Variants in SERP2 observed in about 807,000 individuals in gnomAD.
SERP2 encodes stress associated endoplasmic reticulum protein family member 2.
Under a neutral mutation model 9.1 loss-of-function variants are expected in SERP2, and 6 were observed. That is an observed-to-expected ratio of 0.66 (90% confidence interval 0.36 to 1.30). The LOEUF is 1.30. SERP2 is among the 50% of genes most tolerant of loss of function. The pLI is 0.03. For synonymous variants in SERP2, 37 were observed against 27.3 expected, an observed-to-expected ratio of 1.35 and a Z score of -1.10; for missense variants, 58 against 81.9, an observed-to-expected ratio of 0.71 and a Z score of 1.13.
intron 2 of SERP2, among the ~76,000 whole-genome samples, chr13:44,382,175 A>T (rs891386699): frequency 5.9e-5 from 9 of 152,000 alleles, no homozygotes; most frequent in Admixed American, 4.6e-4. Context: ...GCGGTGGCTC[A>T]CGCCTGTAAT....
chr13:44,393,918 T>TA (rs937317152), intron 2 of SERP2, among the ~76,000 whole-genome samples: 9 of 152,156 alleles, frequency 5.9e-5, no homozygotes, highest in Non-Finnish European at 1.2e-4. Flanking sequence ...ATGGTGAACT[T>TA]AAAAAAATAG....
At chr13:44,380,587 C>T (rs1465176871) in intron 2 of SERP2, among the ~76,000 whole-genome samples, 1 of 152,116 alleles carries the variant, frequency 6.6e-6, no homozygotes, top group East Asian at 1.9e-4. Flanking sequence ...CTTTTATCTT[C>T]AAGAGACCAC....
At chr13:44,391,897 A>G (rs1208306214) in intron 2 of SERP2, among the ~76,000 whole-genome samples, 1 of 152,056 alleles carries the variant, frequency 6.6e-6, no homozygotes, top group Non-Finnish European at 1.5e-5. Context: ...TATTTCAGAC[A>G]GAAAGAATGG....
At chr13:44,389,479 A>G (rs1385329084) in intron 2 of SERP2, among the ~76,000 whole-genome samples, 2 of 152,108 alleles carry the variant, frequency 1.3e-5, no homozygotes, top group Admixed American at 6.5e-5. Flanking sequence ...CTGTTCTTGT[A>G]ATTATGTTTA....
At chr13:44,384,465 G>A (rs529361997) in intron 2 of SERP2, among the ~76,000 whole-genome samples, 1 of 152,116 alleles carries the variant, frequency 6.6e-6, no homozygotes, top group Non-Finnish European at 1.5e-5. Flanking sequence ...TCGGTGGTCT[G>A]TCTCACCTCT....
chr13:44,384,045 C>CT (rs943984840), intron 2 of SERP2, among the ~76,000 whole-genome samples: 13 of 149,614 alleles, frequency 8.7e-5, no homozygotes, highest in South Asian at 2.1e-4. Context: ...TCACCACCAC[C>CT]TTTTTTTTTT....
chr13:44,393,583 G>A (rs753731488), intron 2 of SERP2, among the ~76,000 whole-genome samples: 3 of 152,056 alleles, frequency 2.0e-5, no homozygotes, highest in Non-Finnish European at 4.4e-5. Flanking sequence ...TCTCCTCCCC[G>A]CTGTCTCGCC....
chr13:44,386,692 AATAT>A (rs1242278335), intron 2 of SERP2, among the ~76,000 whole-genome samples: 1 of 152,152 alleles, frequency 6.6e-6, no homozygotes, highest in African/African-American at 2.4e-5. Flanking sequence ...CGGCTTTGTT[AATAT>A]ATAGATTATT....
intron 2 of SERP2, among the ~76,000 whole-genome samples, chr13:44,383,317 C>T (rs1872109447): frequency 6.6e-6 from 1 of 152,174 alleles, no homozygotes; most frequent in South Asian, 2.1e-4. Flanking sequence ...TTATTTTTCT[C>T]AAACCCATGC....
chr13:44,388,679 C>T (rs1325326), intron 2 of SERP2, among the ~76,000 whole-genome samples: 1 of 152,216 alleles, frequency 6.6e-6, no homozygotes, highest in African/African-American at 2.4e-5. Context: ...CTGCGGGTTG[C>T]GGGAGGGGAG....
At chr13:44,396,617 C>T (rs950333611) in intron 2 of SERP2, among the ~76,000 whole-genome samples, 1 of 152,130 alleles carries the variant, frequency 6.6e-6, no homozygotes, top group African/African-American at 2.4e-5. Context: ...AACCAGCTCT[C>T]ATCCACATGG....
At position 44,379,623 on chromosome 13, in the gene SERP2, T is replaced by C. The variant is rs372982000; in HGVS notation, c.85-18T>C. 1.6e-5 allele frequency: 25 copies of C among 1,598,132 alleles called. No individual in the cohort carries two copies. Among genetic ancestry groups the C allele is most frequent in the Non-Finnish European group, 1.9e-5 (22 of 1,167,486 alleles). The stretch of plus-strand genomic sequence containing the variant: ...TGAGTCAATGAACCTAATCTTACTT[T>C]TTCCCATTCCCTTTTAGAGGCCGCA... On this transcript the variant is annotated intron_variant, in intron 1 of 2. Coordinates refer to ENST00000379179, the MANE Select transcript of SERP2 (RefSeq NM_001010897.3).
chr13:44,386,369 T>G (rs1352747321), intron 2 of SERP2, among the ~76,000 whole-genome samples: 1 of 152,226 alleles, frequency 6.6e-6, no homozygotes, highest in African/African-American at 2.4e-5. Context: ...TTGTTTCATT[T>G]TGTTTAATTT....
At chr13:44,391,505 G>A (rs1456352571) in intron 2 of SERP2, among the ~76,000 whole-genome samples, 1 of 152,118 alleles carries the variant, frequency 6.6e-6, no homozygotes, top group Non-Finnish European at 1.5e-5. Flanking sequence ...AGTTAATCAA[G>A]TAATCACACC....
At position 44,379,692 on chromosome 13, in the gene SERP2, G is replaced by C. The variant is rs1871854405; in HGVS notation, c.136G>C (p.Val46Leu). ...GGGACCATGGCTGTTGGCACTGTTT[G>C]TTTTTGTTGTCTGTGGCTCAGGTAT... ...PVGPWLLALF[V>L]FVVCGSAIFQ... Residue 46 changes from valine to leucine, a missense_variant, in exon 2 of 3, where the codon GTT becomes CTT. Coordinates refer to ENST00000379179, the MANE Select transcript of SERP2 (RefSeq NM_001010897.3). 6.2e-7 allele frequency: 1 copy of C among 1,612,394 alleles called. No individual in the cohort carries two copies.
chr13:44,374,206 C>G (rs965446763), intron 1 of SERP2, 97 bp downstream of exon 1: 9 of 803,864 alleles, frequency 1.1e-5, no homozygotes, highest in African/African-American at 1.8e-5. Context: ...GCGCAGGGTC[C>G]GGCCTCCCGG....
At chr13:44,375,240 G>A (rs912565437) in intron 1 of SERP2, among the ~76,000 whole-genome samples, 1 of 151,990 alleles carries the variant, frequency 6.6e-6, no homozygotes, top group Non-Finnish European at 1.5e-5. Context: ...TAAGCAAAAA[G>A]CTAGATCTGT....
In SERP2 at chr13:44,397,320, A is replaced by G; in HGVS notation, c.*8A>G. 1 of 1,611,056 alleles carries G rather than the reference A, an allele frequency of 6.2e-7. No homozygotes were observed. Among genetic ancestry groups the G allele is most frequent in the Non-Finnish European group, 8.5e-7 (1 of 1,177,308 alleles). ...ATAAGGATGGGCATGTGAGAAAGCC[A>G]GGGATTTGACACCACCTCCCTCCCA... On this transcript the variant is annotated 3_prime_UTR_variant, in exon 3 of 3. Transcript: ENST00000379179.
chr13:44,374,181 G>GGGGGGC, intron 1 of SERP2, 72 bp downstream of exon 1: 3 of 448,634 alleles, frequency 6.7e-6, no homozygotes, highest in East Asian at 7.5e-5. Context: ...TGGGGGCGGG[G>GGGGGGC]CCGGGCGGGT....
Sources: allele counts gnomAD v4.1 joint callset (sites outside exome capture counted in the v4.1 genomes callset), GRCh38; gene constraint gnomAD v4.1.1; transcripts MANE v1.5; gene names NCBI Gene and HGNC (gene_info 2026-07-23, HGNC 2026-07-21).